The following FAM217B variants were observed in gnomAD, a reference collection of about 807,000 sequenced individuals.
FAM217B encodes protein FAM217B.
For synonymous variants in FAM217B, 163 were observed against 173.0 expected (o/e 0.94, Z 0.45); for missense variants, 463 against 456.9 (o/e 1.01, Z -0.12).
At chr20:59,943,059 T>C (rs2060914087) in intron 3 of FAM217B, among the ~76,000 whole-genome samples, 1 of 152,234 alleles carries the variant, frequency 6.6e-6, no homozygotes, top group Non-Finnish European at 1.5e-5. Context: ...CCCATTTCTA[T>C]TCATTCTATC....
chr20:59,939,543 T>G (rs1393139014), upstream of FAM217B: 1 of 1,611,860 alleles, frequency 6.2e-7, no homozygotes, highest in Non-Finnish European at 8.5e-7. Context: ...CGACAGCACG[T>G]GCAGCGGCAC....
Position 59,944,346 on chromosome 20 carries a change from C to T in FAM217B, c.403C>T (p.His135Tyr). 6.2e-7 allele frequency: 1 copy of T among 1,614,086 alleles called. No homozygotes were observed. Among genetic ancestry groups the T allele is most frequent in the Non-Finnish European group, 8.5e-7 (1 of 1,180,014 alleles). ...CTTTGATCTTCACCCTGGTCAGGGC[C>T]ATACAAAACCTGAATACTATTATCC... ...VYFDLHPGQG[H>Y]TKPEYYYPNF... is the part of the protein sequence containing the mutation. Residue 135 changes from histidine (H) to tyrosine (Y), a missense_variant, in exon 4 of 4, where the codon CAT (histidine) becomes TAT (tyrosine). By Grantham distance (83) the His-to-Tyr change is moderately conservative. Coordinates refer to ENST00000360816, the MANE Select transcript of FAM217B (RefSeq NM_022106.3).
At chr20:59,938,466 G>C (rs2060875261), upstream of FAM217B, 1 of 152,456 alleles carries the variant, frequency 6.6e-6, no homozygotes, top group Non-Finnish European at 1.5e-5. Context: ...TTGGCAATCA[G>C]ATGTGGGCTC....
rs1372563795 is a variant in FAM217B at position 59,946,480 on chromosome 20, A to G, written c.*1385A>G. On this transcript the variant is annotated 3_prime_UTR_variant, in exon 4 of 4. Transcript: ENST00000360816. ...AGCAGTAAATGTCTGAAAAAATATC[A>G]AAAACAGCATAAAGACAAGATTATG... is the stretch of plus-strand genomic sequence containing the variant. 1 of 166,970 alleles carries G rather than the reference A, an allele frequency of 6.0e-6. No individual in the cohort carries two copies. The highest frequency in any genetic ancestry group is 1.5e-5 in the Non-Finnish European group (1 of 68,120). The allele number at this position is 166,970 out of a possible 1,614,324, so 10.3% of individuals were successfully genotyped here. A position where few individuals can be genotyped will look rare whatever the true frequency, so the allele number is the denominator to read the frequency against.
chr20:59,942,327 G>C lies in FAM217B; in HGVS notation c.-91+18G>C, dbSNP rs1303261597. On this transcript the variant is annotated intron_variant, in intron 2 of 3. Transcript: ENST00000360816. ...CAGGAAAGGTAATGTAAACTTAGAA[G>C]AAAAATCTGACTTAGATTTATTCTG... is the stretch of plus-strand genomic sequence containing the variant. The C allele has an allele frequency of 1.3e-5, 2 of 152,574 alleles. No individual in the cohort carries two copies. The highest frequency in any genetic ancestry group is 1.3e-4 in the Admixed American group (2 of 15,288). The allele number at this position is 152,574 out of a possible 1,614,324, so 9.5% of individuals were successfully genotyped here.
chr20:59,934,088 C>G (rs1020864553), intron 1 of FAM217B, among the ~76,000 whole-genome samples: 3 of 152,248 alleles, frequency 2.0e-5, no homozygotes, highest in African/African-American at 7.2e-5. Flanking sequence ...ACCCGCGGCT[C>G]CAGCCAGCCC....
intron 3 of FAM217B, 109 bp from the exon 4 acceptor site, chr20:59,943,831 T>C (rs2060918847): frequency 1.4e-5 from 12 of 879,110 alleles, no homozygotes; most frequent in Non-Finnish European, 2.1e-5. Flanking sequence ...TGCCTACTAA[T>C]AGCTGAGACA....
chr20:59,939,168 A>C, upstream of FAM217B: 2 of 1,611,056 alleles, frequency 1.2e-6, no homozygotes, highest in Non-Finnish European at 1.7e-6. Context: ...GCGCACCGCG[A>C]AGTGCACGCG....
In FAM217B at chr20:59,944,448, G is replaced by C. The variant is rs374458127; in HGVS notation, c.505G>C (p.Glu169Gln). The C allele has an allele frequency of 6.2e-6, 10 of 1,613,782 alleles. No homozygotes were observed. Among genetic ancestry groups the C allele is most frequent in the Non-Finnish European group, 7.6e-6 (9 of 1,179,990 alleles). Reference sequence around the variant, plus strand: ...GCTTCTGAACGCAGAGAACAAAACGGAAGCCGTGCCCCGAGTGGGAGGACT... The same window carrying C: ...GCTTCTGAACGCAGAGAACAAAACGCAAGCCGTGCCCCGAGTGGGAGGACT... ...ALLLNAENKTEAVPRVGGLLG... is the reference protein window; with the variant it reads ...ALLLNAENKTQAVPRVGGLLG... The change falls in exon 4 of 4, where the codon GAA becomes CAA. Residue 169 changes from glutamate to glutamine, a missense_variant. By Grantham distance (29) the Glu-to-Gln change is conservative. Coordinates refer to ENST00000360816, the MANE Select transcript of FAM217B (RefSeq NM_022106.3).
upstream of FAM217B, chr20:59,940,214 T>C (rs878952644): frequency 3.2e-6 from 1 of 314,000 alleles, no homozygotes; most frequent in African/African-American, 2.2e-5. Flanking sequence ...GCCTCTTTTT[T>C]CTTCTTGCTT....
intron 1 of FAM217B, 73 bp from the exon 2 acceptor site, chr20:59,942,125 G>A (rs2060908981): frequency 6.6e-6 from 1 of 152,548 alleles, no homozygotes; most frequent in African/African-American, 2.4e-5. Flanking sequence ...AAAAACAAGT[G>A]AAAAACCAAC....
At chr20:59,938,296 T>C (rs2060873981), upstream of FAM217B, 1 of 152,296 alleles carries the variant, frequency 6.6e-6, no homozygotes, top group Non-Finnish European at 1.5e-5. Flanking sequence ...GTTTTGCTAG[T>C]TTAAAAGTCT....
At chr20:59,936,752 A>C (rs1240643776), upstream of FAM217B, 2 of 152,254 alleles carry the variant, frequency 1.3e-5, no homozygotes, top group Non-Finnish European at 2.9e-5. Flanking sequence ...AATGATTTAG[A>C]CAAGAAGTTT....
chr20:59,933,861 G>A (rs1296387779), intron 1 of FAM217B: 2 of 152,016 alleles, frequency 1.3e-5, no homozygotes, highest in African/African-American at 4.8e-5. Context: ...CAGGTTAGTG[G>A]GTCCCCGCTG....
Position 59,945,163 on chromosome 20 carries a change from A to C in FAM217B, c.*68A>C. The C allele has an allele frequency of 7.7e-7, 1 of 1,303,796 alleles. No individual in the cohort carries two copies. Among genetic ancestry groups the C allele is most frequent in the Non-Finnish European group, 1.0e-6 (1 of 967,920 alleles). 80.8% of individuals were successfully genotyped at this position (1,303,796 alleles called of 1,614,324 possible). ...TGTTAGAGCGCTTCCAAAAGTCAAA[A>C]TACTGTGAATTTTAAGGAATTTTAC... On this transcript the variant is annotated 3_prime_UTR_variant, in exon 4 of 4. Transcript: ENST00000360816.
At position 59,944,042 on chromosome 20, in the gene FAM217B, G is replaced by A. The variant is rs770076284; in HGVS notation, c.99G>A (p.Pro33=). The change falls in exon 4 of 4, where the codon CCG becomes CCA. Residue 33 remains proline, a synonymous_variant. Transcript: ENST00000360816. ...KSQVPHASSQ[P]RSSLTAVTQP... Reference sequence around the variant, plus strand: ...AAGTACCCCACGCTTCTTCCCAGCCGAGAAGCAGCCTCACAGCTGTCACCC... The same window carrying A: ...AAGTACCCCACGCTTCTTCCCAGCCAAGAAGCAGCCTCACAGCTGTCACCC... 20 of 1,613,966 alleles carry A rather than the reference G, an allele frequency of 1.2e-5. No homozygotes were observed. The East Asian group carries it at 1.3e-4, about 11-fold the overall frequency.
At position 59,946,915 on chromosome 20, in the gene FAM217B, T is replaced by C. The variant is rs1199813343; in HGVS notation, c.*1820T>C. 6.0e-6 allele frequency: 1 copy of C among 167,108 alleles called. No individual in the cohort carries two copies. Among genetic ancestry groups the C allele is most frequent in the Admixed American group, 6.5e-5 (1 of 15,288 alleles). The allele number at this position is 167,108 out of a possible 1,614,324, so 10.4% of individuals were successfully genotyped here. A position where few individuals can be genotyped will look rare whatever the true frequency, so the allele number is the denominator to read the frequency against. On this transcript the variant is annotated 3_prime_UTR_variant, in exon 4 of 4. Coordinates refer to ENST00000360816, the MANE Select transcript of FAM217B (RefSeq NM_022106.3). Reference sequence around the variant, plus strand: ...CCTGCCCTTTTTTGTGAGCACAGATTAGTCTGTTATCCATGGCTGGCACTT... The same window carrying C: ...CCTGCCCTTTTTTGTGAGCACAGATCAGTCTGTTATCCATGGCTGGCACTT...
At chr20:59,938,768 C>CA, upstream of FAM217B, 2 of 341,462 alleles carry the variant, frequency 5.9e-6, no homozygotes, top group Non-Finnish European at 1.1e-5. Context: ...CCCACCCTCC[C>CA]ATGCACCTAC....
intron 1 of FAM217B, among the ~76,000 whole-genome samples, chr20:59,935,255 CA>C (rs1479269832): frequency 1.3e-5 from 2 of 152,098 alleles, no homozygotes; most frequent in African/African-American, 4.8e-5. Flanking sequence ...TAATACACTT[CA>C]AAAATTAATA....
Sources: allele counts gnomAD v4.1 joint callset (sites outside exome capture counted in the v4.1 genomes callset), GRCh38; gene constraint gnomAD v4.1.1; transcripts MANE v1.5; gene names NCBI Gene and HGNC (gene_info 2026-07-23, HGNC 2026-07-21).